The following CNTN4 variants were observed in gnomAD, a reference collection of about 807,000 sequenced individuals.
CNTN4 encodes the protein contactin-4.
A neutral mutation model predicts 122.5 loss-of-function variants in CNTN4; 77 were observed. That is an observed-to-expected ratio of 0.63 (90% CI 0.52 to 0.76). CNTN4 has a LOEUF of 0.76. CNTN4 is among the 30% of genes least tolerant of loss of function. The pLI, the probability that CNTN4 is intolerant of heterozygous loss-of-function variation, is 0.00. For missense variants in CNTN4, 1,256 were observed against 1,259.1 expected, an observed-to-expected ratio of 1.00 and a Z score of 0.04; for synonymous variants, 512 against 447.0, an observed-to-expected ratio of 1.15 and a Z score of -1.83.
At chr3:2,956,846 G>C (rs111614276) in intron 13 of CNTN4, among the ~76,000 whole-genome samples, 1 of 151,898 alleles carries the variant, frequency 6.6e-6, no homozygotes, top group Admixed American at 6.6e-5. Flanking sequence ...CTGCTTCTAC[G>C]AGCTCTACTT....
At chr3:2,511,166 C>T (rs1449230502) in intron 3 of CNTN4, among the ~76,000 whole-genome samples, 2 of 152,152 alleles carry the variant, frequency 1.3e-5, no homozygotes, top group African/African-American at 4.8e-5. Context: ...GGCAAACCCA[C>T]CCTATGTACC....
At chr3:3,004,243 G>A (rs9985303) in intron 14 of CNTN4, among the ~76,000 whole-genome samples, 8,652 of 152,054 alleles carry the variant, frequency 0.057, 817 homozygotes, top group African/African-American at 0.2. Context: ...ATGTCCTAGA[G>A]CTTGACATAT....
chr3:2,569,221 A>C (rs1056626947), intron 3 of CNTN4, among the ~76,000 whole-genome samples: 1 of 152,218 alleles, frequency 6.6e-6, no homozygotes, highest in Non-Finnish European at 1.5e-5. Context: ...GCACAAAAGA[A>C]AGGCGAGTTC....
intron 2 of CNTN4, among the ~76,000 whole-genome samples, chr3:2,216,098 C>A (rs1013546374): frequency 1.3e-5 from 2 of 152,048 alleles, no homozygotes; most frequent in Non-Finnish European, 2.9e-5. Flanking sequence ...ATGTTCACTG[C>A]AGCACTCTTC....
chr3:2,984,552 A>G (rs1694376250), intron 13 of CNTN4, among the ~76,000 whole-genome samples: 2 of 152,252 alleles, frequency 1.3e-5, no homozygotes, highest in South Asian at 2.1e-4. Context: ...CAGAGCTTGC[A>G]TAAGTAACTT....
At chr3:2,757,562 C>G (rs1481293562) in intron 6 of CNTN4, among the ~76,000 whole-genome samples, 1 of 152,174 alleles carries the variant, frequency 6.6e-6, no homozygotes, top group Non-Finnish European at 1.5e-5. Context: ...ATTTCTAGCC[C>G]CAGAAAGTCC....
intron 2 of CNTN4, among the ~76,000 whole-genome samples, chr3:2,125,843 A>G (rs1205488498): frequency 1.3e-5 from 2 of 151,792 alleles, no homozygotes; most frequent in African/African-American, 4.8e-5. Flanking sequence ...GGCGTGAGCC[A>G]CAGCACCAGG....
At chr3:2,134,563 C>T (rs2034598297) in intron 2 of CNTN4, among the ~76,000 whole-genome samples, 1 of 152,164 alleles carries the variant, frequency 6.6e-6, no homozygotes, top group African/African-American at 2.4e-5. Context: ...TTGATGGTGT[C>T]TCCAGCCAAG....
Position 2,134,084 on chromosome 3 carries a change from T to G in CNTN4, c.-145+33445T>G, listed in dbSNP as rs563675991. Among the ~76,000 whole-genome samples, 4 of 152,300 alleles carry G rather than the reference T, an allele frequency of 2.6e-5. No individual in the cohort carries two copies. The South Asian group carries it at 8.3e-4, about 32-fold the overall frequency. On this transcript the variant is annotated intron_variant, in intron 2 of 24. Transcript: ENST00000418658. ...TCCTTCTTCACTTATTGGAAAAGAC[T>G]ATGGAGTCAGGAGTTGGGGAATGTA...
intron 14 of CNTN4, among the ~76,000 whole-genome samples, chr3:3,006,431 G>A (rs1242644804): frequency 6.6e-6 from 1 of 152,152 alleles, no homozygotes; most frequent in East Asian, 1.9e-4. Flanking sequence ...CTATCTCAGA[G>A]TTGATTCATA....
chr3:2,558,790 TGTA>T (rs1371945371), intron 3 of CNTN4, among the ~76,000 whole-genome samples: 20 of 152,162 alleles, frequency 1.3e-4, no homozygotes, highest in Admixed American at 1.1e-3. Context: ...TCTCAACCAG[TGTA>T]GTAAGAATTA....
chr3:2,265,659 T>C (rs148507327), intron 2 of CNTN4, among the ~76,000 whole-genome samples: 3 of 152,200 alleles, frequency 2.0e-5, no homozygotes, highest in East Asian at 1.9e-4. Context: ...CTTTGGATAG[T>C]ATAAATATTT....
intron 3 of CNTN4, among the ~76,000 whole-genome samples, chr3:2,495,413 A>G (rs567095222): frequency 6.6e-6 from 1 of 152,366 alleles, no homozygotes; most frequent in African/African-American, 2.4e-5. Flanking sequence ...TATTCAATAA[A>G]TCCTTGTTGG....
At chr3:2,430,755 A>G (rs765232891) in intron 3 of CNTN4, among the ~76,000 whole-genome samples, 1 of 152,126 alleles carries the variant, frequency 6.6e-6, no homozygotes, top group Non-Finnish European at 1.5e-5. Flanking sequence ...AAGTATACCT[A>G]TATTATTCTA....
intron 3 of CNTN4, among the ~76,000 whole-genome samples, chr3:2,373,396 G>A (rs967855980): frequency 3.3e-5 from 5 of 152,222 alleles, no homozygotes; most frequent in African/African-American, 9.6e-5. Flanking sequence ...CAGGAATGCC[G>A]TGAATCGAGT....
intron 3 of CNTN4, among the ~76,000 whole-genome samples, chr3:2,466,350 A>G (rs2075495737): frequency 6.6e-6 from 1 of 152,214 alleles, no homozygotes; most frequent in Non-Finnish European, 1.5e-5. Context: ...TGTGAAACAA[A>G]ACGTAAGTGT....
intron 3 of CNTN4, among the ~76,000 whole-genome samples, chr3:2,375,788 T>C (rs994262195): frequency 6.6e-6 from 1 of 152,190 alleles, no homozygotes; most frequent in Non-Finnish European, 1.5e-5. Context: ...AGAGGACATA[T>C]GGTAAAAATC....
chr3:2,206,841 G>A (rs890075121), intron 2 of CNTN4, among the ~76,000 whole-genome samples: 12 of 148,468 alleles, frequency 8.1e-5, no homozygotes, highest in Non-Finnish European at 1.6e-4. Context: ...TACCTCATCC[G>A]ATTGCAGTTT....
At chr3:2,390,173 T>C (rs948595022) in intron 3 of CNTN4, among the ~76,000 whole-genome samples, 3 of 151,808 alleles carry the variant, frequency 2.0e-5, no homozygotes, top group African/African-American at 7.3e-5. Flanking sequence ...GTTAAATAAA[T>C]GTCATGTCTG....
Sources: gnomAD v4.1 joint callset for allele counts (sites outside exome capture counted in the v4.1 genomes callset) on GRCh38, gnomAD v4.1.1 for gene constraint, MANE v1.5 for transcripts, NCBI Gene and HGNC (gene_info 2026-07-23, HGNC 2026-07-21) for gene names.